The following PDCD1 variants were observed in gnomAD, a reference collection of about 807,000 sequenced individuals.
The protein encoded by PDCD1 is programmed cell death protein 1.
Under a neutral mutation model 23.6 loss-of-function variants are expected in PDCD1, and 10 were observed. The ratio of observed to expected loss-of-function variants is 0.42; its 90% confidence interval spans 0.26 to 0.72. The LOEUF is 0.72. Ranked by LOEUF, PDCD1 falls within the 30% of genes least tolerant of loss-of-function variation. PDCD1 has a pLI of 0.24. For synonymous variants in PDCD1, 168 were observed against 169.3 expected (o/e 0.99, Z 0.06); for missense variants, 313 against 397.8 (o/e 0.79, Z 1.81).
chr2:241,858,775 C>G lies in PDCD1; in HGVS notation c.64G>C (p.Gly22Arg). The change falls in exon 1 of 5, where the codon GGA (glycine) becomes CGA (arginine). Residue 22 changes from glycine to arginine, a missense_variant. Around this residue, in one of 3 missense-constraint regions of PDCD1, gnomAD observed 135 missense variants for 166.9 expected, o/e 0.81. Coordinates refer to ENST00000334409, the MANE Select transcript of PDCD1 (RefSeq NM_005018.3). ...CGACCCCACCTACCTAAGAACCATCCTGGCCGCCAGCCCAGTTGTAGCACC... is the reference window on the plus strand; with the variant it reads ...CGACCCCACCTACCTAAGAACCATCGTGGCCGCCAGCCCAGTTGTAGCACC... ...WAVLQLGWRP[G>R]WFLDSPDRPW... 1 of 1,592,158 alleles carries G rather than the reference C, an allele frequency of 6.3e-7. No homozygotes were observed. The highest frequency in any genetic ancestry group is 1.3e-5 in the African/African-American group (1 of 74,762).
Position 241,851,382 on chromosome 2 carries a change from G to A in PDCD1, c.628-85C>T, listed in dbSNP as rs1029485062. On this transcript the variant is annotated intron_variant, in intron 4 of 4. Coordinates refer to ENST00000334409, the MANE Select transcript of PDCD1 (RefSeq NM_005018.3). ...GGCTCCACAGCCTGGCTGCAGTACC[G>A]GCACCGAACCTGGGCCCCCCACTAT... The A allele has an allele frequency of 1.6e-5, 23 of 1,432,486 alleles. No individual in the cohort carries two copies. The South Asian group carries it at 2.0e-4, about 12-fold the overall frequency. The allele number at this position is 1,432,486 out of a possible 1,614,324, so 88.7% of individuals were successfully genotyped here. A position where few individuals can be genotyped will look rare whatever the true frequency, so the allele number is the denominator to read the frequency against.
rs201540918 is a variant in PDCD1, at chr2:241,851,188, G to A, written c.737C>T (p.Thr246Met). ...EPPVPCVPEQ[T>M]EYATIVFPSG... ...AGGAAAGACAATGGTGGCATACTCC[G>A]TCTGCTCAGGGACACAGGGCACGGG... Residue 246 changes from threonine to methionine, a missense_variant, in exon 5 of 5, where the codon ACG becomes ATG. By Grantham distance (81) the Thr-to-Met change is moderately conservative. This residue lies in a region of PDCD1 where 158 missense variants were observed against 177.5 expected (regional missense o/e 0.89). Coordinates refer to ENST00000334409, the MANE Select transcript of PDCD1 (RefSeq NM_005018.3). 29 of 1,613,640 alleles carry A rather than the reference G, an allele frequency of 1.8e-5. No homozygotes were observed. The highest frequency in any genetic ancestry group is 2.2e-5 in the East Asian group (1 of 44,866).
intron 2 of PDCD1, 41 bp from the exon 3 acceptor site, chr2:241,852,394 G>A (rs781652457): frequency 1.4e-4 from 195 of 1,402,444 alleles, no homozygotes; most frequent in Non-Finnish European, 1.7e-4. Context: ...CGGGGTCAGG[G>A]TGGAGGGTCA....
rs55829775 is a variant in PDCD1 at position 241,852,039 on chromosome 2, G to C, written c.593-56C>G. ...CCGACCCTGAGCCGTGCTCCTAGGT[G>C]GGGGGTCTTAGTCCAGGGGCCTTCA... On this transcript the variant is annotated intron_variant, in intron 3 of 4. Transcript: ENST00000334409. The C allele has an allele frequency of 0.049, 76,948 of 1,569,616 alleles. 2,113 individuals are homozygous for C. The highest frequency in any genetic ancestry group is 0.056 in the South Asian group (4,938 of 88,070).
chr2:241,856,550 A>G (rs555288134), intron 1 of PDCD1, among the ~76,000 whole-genome samples: 13 of 152,234 alleles, frequency 8.5e-5, no homozygotes, highest in Non-Finnish European at 1.0e-4. Flanking sequence ...AATATGTGTC[A>G]TGGAGGCCAG....
intron 1 of PDCD1, among the ~76,000 whole-genome samples, chr2:241,853,337 C>T (rs1700949441): frequency 6.6e-6 from 1 of 152,260 alleles, no homozygotes. Context: ...TGGCCTGGTC[C>T]TGTCTGCACT....
rs770647935 is a variant in PDCD1 at position 241,852,617 on chromosome 2, G to A, written c.436+4C>T. 4.0e-5 allele frequency: 64 copies of A among 1,607,870 alleles called. No individual in the cohort carries two copies. Among genetic ancestry groups the A allele is most frequent in the Non-Finnish European group, 4.7e-5 (55 of 1,177,496 alleles). ...CCCCTGCCCCGGGGCCTCCGAGGCC[G>A]CACCTGTCACCCTGAGCTCTGCCCG... On this transcript the variant is annotated splice_donor_region_variant and intron_variant, in intron 2 of 4. Transcript: ENST00000334409.
At chr2:241,854,352 G>A (rs1045650962) in intron 1 of PDCD1, among the ~76,000 whole-genome samples, 2 of 152,254 alleles carry the variant, frequency 1.3e-5, no homozygotes, top group Non-Finnish European at 2.9e-5. Flanking sequence ...GGCTGCTGAG[G>A]TGAGCCCCCT....
chr2:241,852,471 T>A, intron 2 of PDCD1, 118 bp from the exon 3 acceptor site: 1 of 1,161,432 alleles, frequency 8.6e-7, no homozygotes, highest in Non-Finnish European at 1.2e-6. Flanking sequence ...GAGATGCCGG[T>A]CACCATTCCC....
intron 1 of PDCD1, among the ~76,000 whole-genome samples, chr2:241,853,385 G>T (rs966875112): frequency 2.0e-5 from 3 of 152,262 alleles, no homozygotes; most frequent in Non-Finnish European, 4.4e-5. Flanking sequence ...CTGGGTGGGT[G>T]GGGGGCTGCC....
intron 1 of PDCD1, among the ~76,000 whole-genome samples, 194 bp from the exon 2 acceptor site, chr2:241,853,174 G>A (rs898567333): frequency 6.6e-6 from 1 of 152,262 alleles, no homozygotes; most frequent in Non-Finnish European, 1.5e-5. Flanking sequence ...TTCCTTCTAC[G>A]TGAGGCTGCA....
rs56015708 is a variant in PDCD1 at position 241,850,140 on chromosome 2, G to A, written c.*918C>T. 1.8e-4 allele frequency: 42 copies of A among 231,264 alleles called. No homozygotes were observed. Among genetic ancestry groups the A allele is most frequent in the Non-Finnish European group, 3.2e-4 (37 of 116,864 alleles). The allele number at this position is 231,264 out of a possible 1,614,324, so 14.3% of individuals were successfully genotyped here. Reference sequence around the variant, plus strand: ...ACCCCTTTAAATAATTTCAGGAATGGGTTCCAAGGAGAGCTCCCAGGGTGG... The same window carrying A: ...ACCCCTTTAAATAATTTCAGGAATGAGTTCCAAGGAGAGCTCCCAGGGTGG... On this transcript the variant is annotated 3_prime_UTR_variant, in exon 5 of 5. Transcript: ENST00000334409.
rs1445437924 is a variant in PDCD1 at position 241,850,924 on chromosome 2, C to T, written c.*134G>A. On this transcript the variant is annotated 3_prime_UTR_variant, in exon 5 of 5. Transcript: ENST00000334409. ...GCCTGGTGCAGGTGCAGGCTGGAGCCCCGGTCGCCCCCAGGCAGCTCAGCC... is the reference window on the plus strand; with the variant it reads ...GCCTGGTGCAGGTGCAGGCTGGAGCTCCGGTCGCCCCCAGGCAGCTCAGCC... 2.6e-6 allele frequency: 3 copies of T among 1,155,702 alleles called. No individual in the cohort carries two copies. The highest frequency in any genetic ancestry group is 1.6e-5 in the African/African-American group (1 of 64,318). The allele number at this position is 1,155,702 out of a possible 1,614,324, so 71.6% of individuals were successfully genotyped here.
In PDCD1 at chr2:241,850,708, C is replaced by A; in HGVS notation, c.*350G>T. 1 of 553,202 alleles carries A rather than the reference C, an allele frequency of 1.8e-6. No individual in the cohort carries two copies. The highest frequency in any genetic ancestry group is 3.4e-6 in the Non-Finnish European group (1 of 294,446). The allele number at this position is 553,202 out of a possible 1,614,324, so 34.3% of individuals were successfully genotyped here. ...GCGTCAGGCAGGGCCACGGCGCCTT[C>A]AGCCCCGGGCCGCAGGCAGCAGCAG... On this transcript the variant is annotated 3_prime_UTR_variant, in exon 5 of 5. Coordinates refer to ENST00000334409, the MANE Select transcript of PDCD1 (RefSeq NM_005018.3).
intron 3 of PDCD1, 27 bp downstream of exon 3, chr2:241,852,171 C>A: frequency 6.3e-7 from 1 of 1,599,924 alleles, no homozygotes; most frequent in Non-Finnish European, 8.5e-7. Context: ...TAGGGCAGGG[C>A]AGGCCGAGGG....
intron 2 of PDCD1, 52 bp downstream of exon 2, chr2:241,852,569 C>G: frequency 1.3e-6 from 2 of 1,581,092 alleles, no homozygotes; most frequent in South Asian, 2.3e-5. Context: ...AGGGGACACC[C>G]ACCCCAGGAC....
chr2:241,855,527 G>T (rs1228030930), intron 1 of PDCD1, among the ~76,000 whole-genome samples: 1 of 152,238 alleles, frequency 6.6e-6, no homozygotes, highest in African/African-American at 2.4e-5. Context: ...AGGATCGTGG[G>T]TTGATGAGAG....
chr2:241,850,825 C>T lies in PDCD1; in HGVS notation c.*233G>A. 1.6e-6 allele frequency: 1 copy of T among 623,432 alleles called. No homozygotes were observed. 38.6% of individuals were successfully genotyped at this position (623,432 alleles called of 1,614,324 possible). A position where few individuals can be genotyped will look rare whatever the true frequency, so the allele number is the denominator to read the frequency against. ...GAAGCAGTGACTGCATCTGGCCCTCCCTGTAGGGGACGGTGACACCTGCTG... is the reference window on the plus strand; with the variant it reads ...GAAGCAGTGACTGCATCTGGCCCTCTCTGTAGGGGACGGTGACACCTGCTG... On this transcript the variant is annotated 3_prime_UTR_variant, in exon 5 of 5. Transcript: ENST00000334409.
At chr2:241,857,969 G>C (rs1701062073) in intron 1 of PDCD1, among the ~76,000 whole-genome samples, 1 of 152,132 alleles carries the variant, frequency 6.6e-6, no homozygotes, top group Non-Finnish European at 1.5e-5. Flanking sequence ...GGCACAGAGG[G>C]TCCAGGAGCG....
Sources: gnomAD v4.1 joint callset for allele counts (sites outside exome capture counted in the v4.1 genomes callset) on GRCh38, gnomAD v4.1.1 for gene constraint, gnomAD v4.1.1 regional missense constraint, MANE v1.5 for transcripts, NCBI Gene and HGNC (gene_info 2026-07-23, HGNC 2026-07-21) for gene names.